Variants in ZFHX3 observed in about 807,000 individuals in gnomAD.
The protein encoded by ZFHX3 is zinc finger homeobox protein 3.
A neutral mutation model predicts 279.1 loss-of-function variants in ZFHX3; 42 were observed. The ratio of observed to expected loss-of-function variants is 0.15; its 90% CI spans 0.12 to 0.19. The LOEUF is 0.19. ZFHX3 is among the 10% of genes least tolerant of loss of function. The pLI, the probability that ZFHX3 is intolerant of heterozygous loss-of-function variation, is 1.00. For missense variants in ZFHX3, 4,981 were observed against 4,754.0 expected (o/e 1.05, Z -1.40); for synonymous variants, 2,293 against 1,957.8 (o/e 1.17, Z -4.52).
At chr16:73,633,039 A>G (rs1450216820) in intron 2 of ZFHX3, among the ~76,000 whole-genome samples, 2 of 152,248 alleles carry the variant, frequency 1.3e-5, no homozygotes, top group Non-Finnish European at 2.9e-5. Context: ...GGATCGCACC[A>G]CTGCACTCTA....
intron 7 of ZFHX3, among the ~76,000 whole-genome samples, chr16:73,108,376 G>A (rs1966330626): frequency 1.3e-5 from 2 of 151,702 alleles, no homozygotes; most frequent in African/African-American, 4.8e-5. Context: ...TGATGAGGAG[G>A]AGGAAGACGA....
chr16:73,453,491 G>C (rs1479077061), intron 3 of ZFHX3, among the ~76,000 whole-genome samples: 1 of 152,148 alleles, frequency 6.6e-6, no homozygotes, highest in Non-Finnish European at 1.5e-5. Flanking sequence ...CACTCAAGCT[G>C]GTCACCTAAA....
intron 3 of ZFHX3, among the ~76,000 whole-genome samples, chr16:73,352,468 C>G (rs570584816): frequency 0.011 from 1,474 of 133,446 alleles, 14 homozygotes; most frequent in Middle Eastern, 0.022. Context: ...CTCTCTCTCT[C>G]TCTCTCTTTT....
intron 8 of ZFHX3, among the ~76,000 whole-genome samples, chr16:73,070,928 GCGCGCGCGCGCA>G (rs775282756): frequency 0.055 from 1,722 of 31,298 alleles, 15 homozygotes; most frequent in Admixed American, 0.11. Flanking sequence ...GCGCGCGCGC[GCGCGCGCGCGCA>G]CACACACACA....
At chr16:73,864,653 G>A (rs1022701131) in intron 1 of ZFHX3, among the ~76,000 whole-genome samples, 3 of 152,158 alleles carry the variant, frequency 2.0e-5, no homozygotes, top group Non-Finnish European at 4.4e-5. Flanking sequence ...CAGGAGGGTG[G>A]AGGTTGCAGT....
At chr16:73,619,211 G>A (rs966634733) in intron 2 of ZFHX3, among the ~76,000 whole-genome samples, 4 of 152,042 alleles carry the variant, frequency 2.6e-5, no homozygotes, top group African/African-American at 7.2e-5. Context: ...GTCTGTGGCC[G>A]GGTGCGGTGG....
intron 3 of ZFHX3, among the ~76,000 whole-genome samples, chr16:73,436,752 C>T (rs2143527284): frequency 6.8e-6 from 1 of 147,466 alleles, no homozygotes; most frequent in African/African-American, 2.5e-5. Context: ...AGCCAGGTGA[C>T]ATCCTGGCTG....
At chr16:73,150,822 T>C (rs1714373354) in intron 5 of ZFHX3, among the ~76,000 whole-genome samples, 1 of 152,328 alleles carries the variant, frequency 6.6e-6, no homozygotes, top group Middle Eastern at 3.4e-3. Flanking sequence ...ACCCTTAACA[T>C]GTGTCTGTTG....
At position 73,014,807 on chromosome 16, in the gene ZFHX3, C is replaced by T. The variant is rs372003973; in HGVS notation, c.-50+32945G>A. 4.5e-4 allele frequency among the ~76,000 whole-genome samples: 69 copies of T among 151,830 alleles called. No homozygotes were observed. The South Asian group carries it at 0.012, about 27-fold the overall frequency. On this transcript the variant is annotated intron_variant, in intron 1 of 9. Transcript: ENST00000268489. ...GATTACAGGCATGAGCCACCATGTC[C>T]GGCCTATGTGGTAACTTCTTACGGC...
At chr16:73,795,092 T>G (rs1312728242) in intron 1 of ZFHX3, among the ~76,000 whole-genome samples, 1 of 152,170 alleles carries the variant, frequency 6.6e-6, no homozygotes, top group Admixed American at 6.5e-5. Context: ...TACTTCAAAC[T>G]GACTCCTCTC....
At chr16:73,722,041 T>C (rs1460750711) in intron 1 of ZFHX3, among the ~76,000 whole-genome samples, 1 of 152,198 alleles carries the variant, frequency 6.6e-6, no homozygotes, top group African/African-American at 2.4e-5. Context: ...AGAGATCCTG[T>C]CTCAAACAAA....
intron 1 of ZFHX3, among the ~76,000 whole-genome samples, chr16:73,035,497 G>A (rs903025039): frequency 1.3e-5 from 2 of 152,122 alleles, no homozygotes; most frequent in African/African-American, 4.8e-5. Context: ...CTTTTAAATG[G>A]GCTGAACAAT....
intron 1 of ZFHX3, among the ~76,000 whole-genome samples, chr16:72,998,880 C>T (rs1963389800): frequency 6.6e-6 from 1 of 152,190 alleles, no homozygotes; most frequent in African/African-American, 2.4e-5. Context: ...TCCATCAGAT[C>T]GTCTCTCTGG....
At chr16:73,839,740 G>A (rs1004522191) in intron 1 of ZFHX3, among the ~76,000 whole-genome samples, 2 of 152,196 alleles carry the variant, frequency 1.3e-5, no homozygotes, top group African/African-American at 4.8e-5. Flanking sequence ...CGTGAATTTA[G>A]CCAAGATCTC....
At chr16:73,720,320 G>T (rs1243762574) in intron 1 of ZFHX3, among the ~76,000 whole-genome samples, 1 of 152,132 alleles carries the variant, frequency 6.6e-6, no homozygotes, top group Non-Finnish European at 1.5e-5. Context: ...CAGTGTTAGG[G>T]AATTGATCAT....
At chr16:73,650,712 T>C (rs1304861833) in intron 2 of ZFHX3, among the ~76,000 whole-genome samples, 1 of 152,048 alleles carries the variant, frequency 6.6e-6, no homozygotes, top group Non-Finnish European at 1.5e-5. Context: ...CAACAAAAAT[T>C]AAGGTGACAA....
intron 3 of ZFHX3, among the ~76,000 whole-genome samples, chr16:72,920,386 A>G (rs777869386): frequency 2.8e-4 from 42 of 152,150 alleles, no homozygotes; most frequent in Non-Finnish European, 5.3e-4. Flanking sequence ...TAATCAACTT[A>G]AAGAAACACA....
chr16:73,832,601 G>A (rs1961028215), intron 1 of ZFHX3, among the ~76,000 whole-genome samples: 1 of 152,132 alleles, frequency 6.6e-6, no homozygotes, highest in African/African-American at 2.4e-5. Flanking sequence ...AGTCTAGAGT[G>A]CAATGATGCA....
chr16:73,077,567 G>A (rs1297477098), intron 8 of ZFHX3, among the ~76,000 whole-genome samples: 2 of 150,622 alleles, frequency 1.3e-5, no homozygotes, highest in African/African-American at 2.4e-5. Flanking sequence ...AAAAAAAAAA[G>A]GCATATCTAC....
Sources: allele counts gnomAD v4.1 joint callset (sites outside exome capture counted in the v4.1 genomes callset), GRCh38; gene constraint gnomAD v4.1.1; transcripts MANE v1.5; gene names NCBI Gene and HGNC (gene_info 2026-07-23, HGNC 2026-07-21).